Variants in ANKRD55 observed in about 807,000 individuals in gnomAD.
ANKRD55 encodes the protein ankyrin repeat domain-containing protein 55.
Under a neutral mutation model 60.6 loss-of-function variants are expected in ANKRD55, and 41 were observed. The ratio of observed to expected loss-of-function variants is 0.68; its 90% CI spans 0.53 to 0.88. ANKRD55 has a LOEUF of 0.88. Ranked by LOEUF, ANKRD55 falls within the 40% of genes least tolerant of loss-of-function variation. The pLI, the probability that ANKRD55 is intolerant of heterozygous loss-of-function variation, is 0.00. For synonymous variants in ANKRD55, 264 were observed against 290.3 expected (o/e 0.91, Z 0.92); for missense variants, 732 against 767.6 (o/e 0.95, Z 0.55).
intron 4 of ANKRD55, among the ~76,000 whole-genome samples, 166 bp from the exon 5 acceptor site, chr5:56,170,969 T>A (rs564509306): frequency 7.9e-5 from 12 of 152,212 alleles, no homozygotes; most frequent in Non-Finnish European, 1.8e-4. Context: ...CCTCAACAGA[T>A]GGCCGAAGGT....
intron 2 of ANKRD55, among the ~76,000 whole-genome samples, chr5:56,189,784 A>C (rs535515183): frequency 6.6e-6 from 1 of 152,208 alleles, no homozygotes; most frequent in African/African-American, 2.4e-5. Flanking sequence ...TGCTGTGAAC[A>C]TGGGTCTACA....
intron 2 of ANKRD55, chr5:56,193,478 T>C (rs1381607364): frequency 4.1e-6 from 2 of 490,894 alleles, no homozygotes; most frequent in Admixed American, 3.0e-5. Context: ...TTTCACTATG[T>C]TGATTTTACA....
chr5:56,102,436 TTG>T (rs1317113020), intron 11 of ANKRD55, 56 bp downstream of exon 11: 4 of 1,200,434 alleles, frequency 3.3e-6, no homozygotes, highest in South Asian at 1.3e-5. Context: ...TAACATTTAG[TTG>T]TGTCTAGATA....
At chr5:56,125,040 A>G (rs1411706951) in intron 8 of ANKRD55, among the ~76,000 whole-genome samples, 1 of 152,146 alleles carries the variant, frequency 6.6e-6, no homozygotes, top group Admixed American at 6.6e-5. Context: ...CATGAGGCCT[A>G]GAGAATTGGA....
chr5:56,173,236 C>T (rs1758648074), intron 4 of ANKRD55, among the ~76,000 whole-genome samples: 3 of 152,096 alleles, frequency 2.0e-5, no homozygotes, highest in Non-Finnish European at 2.9e-5. Flanking sequence ...CTCACTCTGT[C>T]GCCCAGGCTG....
chr5:56,125,753 G>C (rs1463729269), intron 8 of ANKRD55: 3 of 152,138 alleles, frequency 2.0e-5, no homozygotes, highest in African/African-American at 7.2e-5. Flanking sequence ...ACAAATTTGT[G>C]AAGTATTCCA....
At chr5:56,166,144 T>A (rs1475629987) in intron 5 of ANKRD55, among the ~76,000 whole-genome samples, 2 of 98,008 alleles carry the variant, frequency 2.0e-5, no homozygotes, top group Admixed American at 2.0e-4. Flanking sequence ...CTTTCTTTCT[T>A]TCTTTCTTTC....
intron 2 of ANKRD55, among the ~76,000 whole-genome samples, chr5:56,229,198 A>T (rs2111901599): frequency 6.6e-6 from 1 of 151,004 alleles, no homozygotes; most frequent in East Asian, 2.0e-4. Context: ...CAATGCAAGT[A>T]TCTTCAGTTA....
At chr5:56,209,951 A>T (rs1376348200) in intron 2 of ANKRD55, among the ~76,000 whole-genome samples, 1 of 152,034 alleles carries the variant, frequency 6.6e-6, no homozygotes, top group East Asian at 1.9e-4. Flanking sequence ...CTTTACAATT[A>T]AAAAAAATTA....
intron 2 of ANKRD55, among the ~76,000 whole-genome samples, chr5:56,208,583 C>T (rs1759576770): frequency 6.6e-6 from 1 of 152,032 alleles, no homozygotes; most frequent in Admixed American, 6.5e-5. Context: ...CGCCACCATG[C>T]CCAGCTAATT....
At chr5:56,176,426 G>T in intron 3 of ANKRD55, 144 bp from the exon 4 acceptor site, 2 of 840,248 alleles carry the variant, frequency 2.4e-6, no homozygotes, top group Non-Finnish European at 3.7e-6. Context: ...GAAGCTGATT[G>T]TTGCTACATC....
intron 3 of ANKRD55, among the ~76,000 whole-genome samples, chr5:56,181,145 C>T (rs997405113): frequency 6.6e-6 from 1 of 152,138 alleles, no homozygotes; most frequent in Non-Finnish European, 1.5e-5. Context: ...TGCAGTGAGC[C>T]AAGATTGCAC....
intron 7 of ANKRD55, among the ~76,000 whole-genome samples, chr5:56,142,399 C>T (rs1362393866): frequency 2.0e-5 from 3 of 152,202 alleles, no homozygotes; most frequent in Admixed American, 6.5e-5. Flanking sequence ...GAGGGCCCAG[C>T]GGGGGTCTGG....
rs188532445 is a variant in ANKRD55 at position 56,109,993 on chromosome 5, G to T, written c.1630+1125C>A. ...AGATCGTGTCACTGTGGAGGTTGCA[G>T]TGAGCTGAGATTGCACCACTGCACT... On this transcript the variant is annotated intron_variant, in intron 10 of 11. Transcript: ENST00000341048. Among the ~76,000 whole-genome samples, 12 of 152,142 alleles carry T rather than the reference G, an allele frequency of 7.9e-5. No individual in the cohort carries two copies. In the East Asian group the frequency reaches 1.7e-3, roughly 22 times the overall value.
chr5:56,170,996 C>A (rs1025045407), intron 4 of ANKRD55, among the ~76,000 whole-genome samples, 193 bp from the exon 5 acceptor site: 1 of 152,152 alleles, frequency 6.6e-6, no homozygotes, highest in East Asian at 1.9e-4. Flanking sequence ...GTACAGATTC[C>A]CAGGTTTATG....
At chr5:56,188,647 G>A (rs946069747) in intron 2 of ANKRD55, among the ~76,000 whole-genome samples, 4 of 152,070 alleles carry the variant, frequency 2.6e-5, no homozygotes, top group Non-Finnish European at 5.9e-5. Context: ...ACTTGTTTCT[G>A]GAATCTCAAT....
intron 2 of ANKRD55, among the ~76,000 whole-genome samples, chr5:56,230,714 A>C (rs574172813): frequency 6.6e-6 from 1 of 152,320 alleles, no homozygotes; most frequent in East Asian, 1.9e-4. Context: ...TGGCTTAGTT[A>C]ATTATTATTC....
chr5:56,124,074 CAT>C (rs1385822345), intron 8 of ANKRD55, among the ~76,000 whole-genome samples: 1 of 152,162 alleles, frequency 6.6e-6, no homozygotes, highest in Non-Finnish European at 1.5e-5. Context: ...ATTAATGAAA[CAT>C]GTAAACATTC....
chr5:56,198,565 G>A (rs1381662940), intron 2 of ANKRD55, among the ~76,000 whole-genome samples: 5 of 151,980 alleles, frequency 3.3e-5, no homozygotes, highest in Admixed American at 6.6e-5. Context: ...GATTATAGGC[G>A]TGAGCCACCG....
Sources: gnomAD v4.1 joint callset for allele counts (sites outside exome capture counted in the v4.1 genomes callset) on GRCh38, gnomAD v4.1.1 for gene constraint, MANE v1.5 for transcripts, NCBI Gene and HGNC (gene_info 2026-07-23, HGNC 2026-07-21) for gene names.